The following BNC2 variants were observed in gnomAD, a reference collection of about 807,000 sequenced individuals.
BNC2 encodes the protein zinc finger protein basonuclin-2.
BNC2 carries 20 observed loss-of-function variants against 76.3 expected under a neutral mutation model. The ratio of observed to expected loss-of-function variants is 0.26; its 90% CI spans 0.18 to 0.38. The LOEUF is 0.38. Ranked by LOEUF, BNC2 falls within the 10% of genes least tolerant of loss-of-function variation. BNC2 has a pLI of 1.00. For missense variants in BNC2, 1,382 were observed against 1,399.8 expected (o/e 0.99, Z 0.20); for synonymous variants, 582 against 514.8 (o/e 1.13, Z -1.77).
intron 3 of BNC2, among the ~76,000 whole-genome samples, chr9:16,676,051 C>G (rs556626007): frequency 1.3e-5 from 2 of 152,044 alleles, no homozygotes; most frequent in Admixed American, 1.3e-4. Context: ...GGTGACAAAG[C>G]GAGACTCTGT....
chr9:16,664,974 A>G (rs1587290074), intron 3 of BNC2: 1 of 446,416 alleles, frequency 2.2e-6, no homozygotes, highest in South Asian at 1.6e-5. Context: ...CATTAGCACA[A>G]TGCTTCATGG....
intron 1 of BNC2, among the ~76,000 whole-genome samples, chr9:16,788,395 T>C (rs1333979690): frequency 1.3e-5 from 2 of 151,568 alleles, no homozygotes; most frequent in African/African-American, 4.9e-5. Context: ...CTACCAAAAA[T>C]ACAAAAAATT....
chr9:16,416,651 A>G lies in BNC2; in HGVS notation c.*2338T>C, dbSNP rs542672471. 29 of 152,744 alleles carry G rather than the reference A, an allele frequency of 1.9e-4. No individual in the cohort carries two copies. Among genetic ancestry groups the G allele is most frequent in the African/African-American group, 6.7e-4 (28 of 41,574 alleles). 9.5% of individuals were successfully genotyped at this position (152,744 alleles called of 1,614,324 possible). On this transcript the variant is annotated 3_prime_UTR_variant, in exon 7 of 7. Coordinates refer to ENST00000380672, the MANE Select transcript of BNC2 (RefSeq NM_017637.6). ...TTTGATATAGTTTCTTTTGTACTGCAAATACTTTTGGTCTTTCCTCCCCGT... is the reference window on the plus strand; with the variant it reads ...TTTGATATAGTTTCTTTTGTACTGCGAATACTTTTGGTCTTTCCTCCCCGT...
intron 3 of BNC2, among the ~76,000 whole-genome samples, chr9:16,586,937 T>C (rs1587203535): frequency 4.6e-5 from 7 of 152,308 alleles, no homozygotes; most frequent in Admixed American, 4.6e-4. Context: ...AATTTATTTA[T>C]TTACAATAGT....
intron 5 of BNC2, among the ~76,000 whole-genome samples, chr9:16,464,959 G>A (rs1471155448): frequency 2.6e-5 from 4 of 152,096 alleles, no homozygotes; most frequent in Non-Finnish European, 4.4e-5. Context: ...CCTTTCCAAT[G>A]CTAACTTAGC....
chr9:16,510,160 T>TCAAG, intron 5 of BNC2, among the ~76,000 whole-genome samples: 1 of 152,188 alleles, frequency 6.6e-6, no homozygotes, highest in Non-Finnish European at 1.5e-5. Flanking sequence ...ACACATTCAC[T>TCAAG]CAAGCTGTCT....
chr9:16,863,526 C>G (rs1024656945), intron 1 of BNC2, among the ~76,000 whole-genome samples: 20 of 152,100 alleles, frequency 1.3e-4, no homozygotes, highest in African/African-American at 4.6e-4. Flanking sequence ...GAAACCTTGT[C>G]CCTACTAAAA....
chr9:16,666,500 C>T lies in BNC2; in HGVS notation c.330+61297G>A, dbSNP rs549539512. Among the ~76,000 whole-genome samples the T allele has an allele frequency of 3.3e-5, 5 of 152,270 alleles. No individual in the cohort carries two copies. The South Asian group carries it at 6.2e-4, about 19-fold the overall frequency. On this transcript the variant is annotated intron_variant, in intron 3 of 6. Coordinates refer to ENST00000380672, the MANE Select transcript of BNC2 (RefSeq NM_017637.6). ...AAAAACACACGCACAGAAAGGTTAC[C>T]GACCAACACTATCAATTCTCTAAAT... is the stretch of plus-strand genomic sequence containing the variant.
chr9:16,717,869 T>G (rs772578012), intron 3 of BNC2, among the ~76,000 whole-genome samples: 28 of 152,176 alleles, frequency 1.8e-4, no homozygotes, highest in Non-Finnish European at 2.9e-4. Context: ...GAACAGTGAT[T>G]ATCAGAATAC....
intron 5 of BNC2, among the ~76,000 whole-genome samples, chr9:16,494,440 C>A (rs187780823): frequency 6.6e-6 from 1 of 151,922 alleles, no homozygotes; most frequent in Non-Finnish European, 1.5e-5. Context: ...CATGAGCCAC[C>A]GAGCCCAGCC....
intron 3 of BNC2, among the ~76,000 whole-genome samples, chr9:16,595,772 AGACT>A (rs1037494468): frequency 9.8e-5 from 15 of 152,286 alleles, no homozygotes; most frequent in African/African-American, 3.6e-4. Context: ...AGGAAAAAAC[AGACT>A]GACTAGCTAA....
intron 2 of BNC2, among the ~76,000 whole-genome samples, chr9:16,735,041 C>G (rs1184890434): frequency 1.3e-5 from 2 of 152,032 alleles, no homozygotes; most frequent in Admixed American, 6.6e-5. Context: ...AGAAACACAT[C>G]AAGGAAATAT....
intron 1 of BNC2, among the ~76,000 whole-genome samples, chr9:16,786,419 A>G (rs1826294893): frequency 6.6e-6 from 1 of 152,134 alleles, no homozygotes; most frequent in African/African-American, 2.4e-5. Flanking sequence ...ACAAAGACCC[A>G]GTACAGAAGA....
intron 1 of BNC2, among the ~76,000 whole-genome samples, chr9:16,788,524 C>A (rs193136294): frequency 1.3e-5 from 2 of 149,678 alleles, no homozygotes; most frequent in South Asian, 2.2e-4. Flanking sequence ...CTGCACTCCA[C>A]CCTGGGCGAC....
At chr9:16,785,704 G>A (rs900729822) in intron 1 of BNC2, among the ~76,000 whole-genome samples, 38 of 150,638 alleles carry the variant, frequency 2.5e-4, no homozygotes, top group African/African-American at 8.3e-4. Flanking sequence ...ATTTATTTAC[G>A]AAAGAATGGA....
At chr9:16,822,298 T>C (rs1818356098) in intron 1 of BNC2, among the ~76,000 whole-genome samples, 1 of 152,102 alleles carries the variant, frequency 6.6e-6, no homozygotes, top group African/African-American at 2.4e-5. Context: ...TTTCTAACAT[T>C]ACCTCCTATT....
intron 5 of BNC2, among the ~76,000 whole-genome samples, chr9:16,530,123 G>C (rs542668671): frequency 2.6e-5 from 4 of 151,758 alleles, no homozygotes; most frequent in African/African-American, 7.3e-5. Flanking sequence ...CAAAGTGCAT[G>C]AGCCACCGCA....
intron 3 of BNC2, among the ~76,000 whole-genome samples, chr9:16,623,138 T>C (rs913463982): frequency 6.6e-6 from 1 of 152,152 alleles, no homozygotes; most frequent in Admixed American, 6.5e-5. Context: ...CTGAAAGCCT[T>C]TGTTGGAATA....
intron 4 of BNC2, among the ~76,000 whole-genome samples, chr9:16,579,054 A>G (rs2132991080): frequency 6.6e-6 from 1 of 152,274 alleles, no homozygotes; most frequent in South Asian, 2.1e-4. Context: ...TGAAAGAGCT[A>G]AGATTCCTTA....
Sources: gnomAD v4.1 joint callset for allele counts (sites outside exome capture counted in the v4.1 genomes callset) on GRCh38, gnomAD v4.1.1 for gene constraint, MANE v1.5 for transcripts, NCBI Gene and HGNC (gene_info 2026-07-23, HGNC 2026-07-21) for gene names.